Variants in TNC observed in about 807,000 individuals in gnomAD.
TNC encodes tenascin.
Under a neutral mutation model 202.4 loss-of-function variants are expected in TNC, and 109 were observed. The observed-to-expected ratio is 0.54, with a 90% CI of 0.46 to 0.63. TNC has a LOEUF of 0.63. TNC is among the 30% of genes least tolerant of loss of function. The pLI is 0.00. For missense variants in TNC, 2,756 were observed against 2,833.3 expected, an observed-to-expected ratio of 0.97 and a Z score of 0.62; for synonymous variants, 1,007 against 1,089.7, an observed-to-expected ratio of 0.92 and a Z score of 1.50.
intron 9 of TNC, among the ~76,000 whole-genome samples, chr9:115,074,632 A>T (rs1457859408): frequency 6.6e-6 from 1 of 152,218 alleles, no homozygotes; most frequent in Non-Finnish European, 1.5e-5. Flanking sequence ...AGAGATGAAG[A>T]ACAGATAAAT....
intron 1 of TNC, among the ~76,000 whole-genome samples, chr9:115,100,444 A>G (rs1230146851): frequency 6.6e-6 from 1 of 152,238 alleles, no homozygotes; most frequent in Non-Finnish European, 1.5e-5. Context: ...AGTATATCAC[A>G]TGAAACTTAT....
chr9:115,061,048 C>T (rs1832504996), intron 13 of TNC, among the ~76,000 whole-genome samples: 1 of 151,962 alleles, frequency 6.6e-6, no homozygotes, highest in Non-Finnish European at 1.5e-5. Context: ...ATGGAAAAAC[C>T]CATTGTTTTG....
rs572434114 is a variant in TNC, at chr9:115,101,369, G to A, written c.-136-10215C>T. Among the ~76,000 whole-genome samples, 7 of 152,178 alleles carry A rather than the reference G, an allele frequency of 4.6e-5. No homozygotes were observed. The East Asian group carries it at 5.8e-4, about 13-fold the overall frequency. ...TGTGATTACAGGTGCCCACCACCAC[G>A]CTCAGCTAACTTTTTGTATTTTTAG... On this transcript the variant is annotated intron_variant, in intron 1 of 27. Coordinates refer to ENST00000350763, the MANE Select transcript of TNC (RefSeq NM_002160.4).
At position 115,046,785 on chromosome 9, in the gene TNC, G is replaced by A. The variant is rs535092142; in HGVS notation, c.4853-103C>T. 2.3e-4 allele frequency: 304 copies of A among 1,331,174 alleles called. 1 individual carries two copies. The highest frequency in any genetic ancestry group is 1.9e-3 in the Middle Eastern group (7 of 3,686). 82.5% of individuals were successfully genotyped at this position (1,331,174 alleles called of 1,614,324 possible). On this transcript the variant is annotated intron_variant, in intron 16 of 27. Transcript: ENST00000350763. ...GGGTATCAATATGTAGTGATGCCCCGGCTTTCAGAGATAGAAGTGTCCTGA... is the reference window on the plus strand; with the variant it reads ...GGGTATCAATATGTAGTGATGCCCCAGCTTTCAGAGATAGAAGTGTCCTGA...
At chr9:115,106,855 T>C (rs1011102388) in intron 1 of TNC, among the ~76,000 whole-genome samples, 4 of 152,130 alleles carry the variant, frequency 2.6e-5, no homozygotes, top group African/African-American at 9.7e-5. Context: ...AACAACTTAT[T>C]TGTATAAGTA....
intron 3 of TNC, 136 bp downstream of exon 3, chr9:115,085,728 G>T: frequency 2.2e-6 from 2 of 929,772 alleles, no homozygotes; most frequent in Non-Finnish European, 3.2e-6. Context: ...ATGGGTGTGT[G>T]TTTAAATGGA....
At chr9:115,035,375 A>G (rs767913834) in intron 21 of TNC, 41 bp from the exon 22 acceptor site, 12 of 1,575,908 alleles carry the variant, frequency 7.6e-6, no homozygotes, top group Non-Finnish European at 1.0e-5. Flanking sequence ...AAGATCAGCA[A>G]ATGTAGGGCA....
At chr9:115,087,698 C>CTTTTTTTTTTTTTTTT (rs752435283) in intron 2 of TNC, among the ~76,000 whole-genome samples, 9 of 119,734 alleles carry the variant, frequency 7.5e-5, no homozygotes, top group Non-Finnish European at 1.0e-4. Flanking sequence ...TCTTTCTTTT[C>CTTTTTTTTTTTTTTTT]TTTTTTTTTT....
intron 15 of TNC, among the ~76,000 whole-genome samples, chr9:115,052,492 A>C (rs1036646652): frequency 3.9e-4 from 59 of 152,012 alleles, no homozygotes; most frequent in Admixed American, 7.2e-4. Context: ...TAAATAAATA[A>C]ATAAATAAAT....
intron 23 of TNC, 80 bp downstream of exon 23, chr9:115,031,473 G>T: frequency 1.5e-6 from 2 of 1,372,230 alleles, no homozygotes; most frequent in Non-Finnish European, 9.5e-7. Flanking sequence ...AAATTTTAAA[G>T]TAGAAGTCAA....
chr9:115,020,848 C>G lies in TNC; in HGVS notation c.*309G>C. 2.9e-6 allele frequency: 1 copy of G among 342,428 alleles called. No individual in the cohort carries two copies. Among genetic ancestry groups the G allele is most frequent in the Non-Finnish European group, 5.4e-6 (1 of 184,828 alleles). 21.2% of individuals were successfully genotyped at this position (342,428 alleles called of 1,614,324 possible). On this transcript the variant is annotated 3_prime_UTR_variant, in exon 28 of 28. Transcript: ENST00000350763. ...ACAAACTACCCCTGTACATCCTACCCCTCTCCCATTCCCAGAGCCACCTAA... is the reference window on the plus strand; with the variant it reads ...ACAAACTACCCCTGTACATCCTACCGCTCTCCCATTCCCAGAGCCACCTAA...
At chr9:115,077,307 T>C (rs1041304872) in intron 7 of TNC, among the ~76,000 whole-genome samples, 8 of 152,176 alleles carry the variant, frequency 5.3e-5, no homozygotes, top group South Asian at 4.1e-4. Flanking sequence ...TCGCCCGCCT[T>C]GGCCTCCCAA....
At chr9:115,115,943 T>C (rs1837428559) in intron 1 of TNC, among the ~76,000 whole-genome samples, 2 of 152,324 alleles carry the variant, frequency 1.3e-5, no homozygotes, top group South Asian at 2.1e-4. Flanking sequence ...AGTTTAAAAA[T>C]CATGATCTTA....
At chr9:115,040,911 A>ACACT (rs1231780262) in intron 19 of TNC, 30 bp downstream of exon 19, 2 of 1,590,696 alleles carry the variant, frequency 1.3e-6, no homozygotes, top group Middle Eastern at 3.4e-4. Context: ...ATAGTAACAC[A>ACACT]CACACACACA....
chr9:115,096,519 G>A (rs1447261565), intron 1 of TNC, among the ~76,000 whole-genome samples: 1 of 152,134 alleles, frequency 6.6e-6, no homozygotes, highest in Non-Finnish European at 1.5e-5. Context: ...ACAAAATGAG[G>A]AAACTGAGAC....
chr9:115,058,884 T>C (rs1832330030), intron 14 of TNC, among the ~76,000 whole-genome samples: 1 of 152,180 alleles, frequency 6.6e-6, no homozygotes, highest in Non-Finnish European at 1.5e-5. Context: ...CACTGAAGTC[T>C]TGTAACAGGG....
intron 15 of TNC, among the ~76,000 whole-genome samples, chr9:115,049,335 T>C (rs557708440): frequency 9.9e-5 from 15 of 152,176 alleles, no homozygotes; most frequent in Non-Finnish European, 1.5e-4. Context: ...TAAGTTTCCA[T>C]TGATACTTGC....
rs185070535 is a variant in TNC at position 115,090,190 on chromosome 9, C to T, written c.457+372G>A. Among the ~76,000 whole-genome samples, 318 of 152,218 alleles carry T rather than the reference C, an allele frequency of 2.1e-3. 1 individual carries two copies. Among genetic ancestry groups the T allele is most frequent in the Non-Finnish European group, 2.5e-3 (170 of 68,020 alleles). ...ATGAGGTGATGGGGCCACAGCAGTA[C>T]CTATCAGAGAGTGCTCTCTGGGGTA... On this transcript the variant is annotated intron_variant, in intron 2 of 27. Transcript: ENST00000350763.
chr9:115,071,113 C>G (rs1833435846), intron 10 of TNC, among the ~76,000 whole-genome samples: 1 of 152,180 alleles, frequency 6.6e-6, no homozygotes, highest in Non-Finnish European at 1.5e-5. Context: ...CTTCTTTGCT[C>G]TAGTAACCCC....
Sources: allele counts gnomAD v4.1 joint callset (sites outside exome capture counted in the v4.1 genomes callset), GRCh38; gene constraint gnomAD v4.1.1; transcripts MANE v1.5; gene names NCBI Gene and HGNC (gene_info 2026-07-23, HGNC 2026-07-21).